MTHFD1: variants seen among roughly 807,000 people sequenced by gnomAD.
MTHFD1 encodes methylenetetrahydrofolate dehydrogenase, cyclohydrolase and formyltetrahydrofolate synthetase 1, also known as C-1-tetrahydrofolate synthase, cytoplasmic.
A neutral mutation model predicts 110.3 loss-of-function variants in MTHFD1; 44 were observed. That is an observed-to-expected ratio of 0.40 (90% CI 0.31 to 0.51). The LOEUF (loss-of-function observed/expected upper bound fraction) is 0.51. Ranked by LOEUF, MTHFD1 falls within the 20% of genes least tolerant of loss-of-function variation. MTHFD1 has a pLI of 0.60. For synonymous variants in MTHFD1, 402 were observed against 428.8 expected (o/e 0.94, Z 0.77); for missense variants, 909 against 1,173.1 (o/e 0.77, Z 3.29).
rs1165565139 is a variant in MTHFD1 at position 64,442,341 on chromosome 14, C to T, written c.2075C>T (p.Pro692Leu). Residue 692 changes from proline (P) to leucine (L), a missense_variant, in exon 21 of 28, where the codon CCC (proline) becomes CTC (leucine). Pro to Leu is a moderately conservative substitution (Grantham distance 98). Coordinates refer to ENST00000652337, the MANE Select transcript of MTHFD1 (RefSeq NM_005956.4). ...NIKCRYSGLC[P>L]HVVVLVATVR... Reference sequence around the variant, plus strand: ...AAATGCCGGTATTCCGGCCTCTGCCCCCACGTGGTGGTGCTTGTTGCCACT... The same window carrying T: ...AAATGCCGGTATTCCGGCCTCTGCCTCCACGTGGTGGTGCTTGTTGCCACT... 1 of 1,614,194 alleles carries T rather than the reference C, an allele frequency of 6.2e-7. No individual in the cohort carries two copies. Among genetic ancestry groups the T allele is most frequent in the Admixed American group, 1.7e-5 (1 of 60,016 alleles).
chr14:64,442,269 A>T lies in MTHFD1; in HGVS notation c.2003A>T (p.Glu668Val), dbSNP rs751458800. Residue 668 changes from glutamate to valine, a missense_variant, in exon 21 of 28, where the codon GAA becomes GTA. This residue lies in a region of MTHFD1 where 482 missense variants were observed against 646.0 expected (regional missense o/e 0.75). Transcript: ENST00000652337. ...LVGPEGFVVT[E>V]AGFGADIGME... ...GTTGCTTTCCTCTTTACAGTGACGG[A>T]AGCAGGATTTGGAGCAGACATTGGA... is the stretch of plus-strand genomic sequence containing the variant. 6.2e-7 allele frequency: 1 copy of T among 1,614,258 alleles called. No individual in the cohort carries two copies. The highest frequency in any genetic ancestry group is 8.5e-7 in the Non-Finnish European group (1 of 1,180,048).
intron 12 of MTHFD1, among the ~76,000 whole-genome samples, chr14:64,428,058 C>G (rs2078130952): frequency 6.6e-6 from 1 of 151,184 alleles, no homozygotes; most frequent in Non-Finnish European, 1.5e-5. Context: ...ACCATACTCG[C>G]ACTTTACCTT....
At chr14:64,398,673 G>A (rs761282759) in intron 1 of MTHFD1, among the ~76,000 whole-genome samples, 3 of 152,204 alleles carry the variant, frequency 2.0e-5, no homozygotes, top group Non-Finnish European at 2.9e-5. Flanking sequence ...TATTTCTTGT[G>A]TGCCTGTTTA....
intron 11 of MTHFD1, among the ~76,000 whole-genome samples, chr14:64,426,995 CTAAGACTTTTGAAAAAGA>C (rs1663827957): frequency 2.0e-5 from 3 of 152,122 alleles, no homozygotes; most frequent in Admixed American, 6.5e-5. Context: ...GAAATTACAA[CTAAGACTTTTGAAAAAGA>C]TATCTTTCAG....
In MTHFD1 at chr14:64,435,467, C is replaced by G. The variant is rs1412613686; in HGVS notation, c.1495-102C>G. Reference sequence around the variant, plus strand: ...CTGAATTTAAGATGGTTTGCATTTCCTAGAGGGGATCCCATTTAGAGGTAG... The same window carrying G: ...CTGAATTTAAGATGGTTTGCATTTCGTAGAGGGGATCCCATTTAGAGGTAG... On this transcript the variant is annotated intron_variant, in intron 15 of 27. Transcript: ENST00000652337. 3 of 775,372 alleles carry G rather than the reference C, an allele frequency of 3.9e-6. No individual in the cohort carries two copies. The African/African-American group carries it at 5.1e-5, about 13-fold the overall frequency. 48.0% of individuals were successfully genotyped at this position (775,372 alleles called of 1,614,324 possible).
intron 24 of MTHFD1, among the ~76,000 whole-genome samples, chr14:64,451,800 C>T (rs1255124078): frequency 7.2e-5 from 11 of 152,226 alleles, no homozygotes; most frequent in Non-Finnish European, 1.6e-4. Context: ...AGTGCTTTTG[C>T]TTCAGAAGTT....
intron 4 of MTHFD1, among the ~76,000 whole-genome samples, chr14:64,413,967 C>CT (rs1315052609): frequency 6.6e-6 from 1 of 152,170 alleles, no homozygotes; most frequent in African/African-American, 2.4e-5. Flanking sequence ...GCAGCTGGGA[C>CT]TATAGGCATG....
intron 26 of MTHFD1, 133 bp from the exon 27 acceptor site, chr14:64,458,081 G>T: frequency 1.3e-6 from 1 of 767,134 alleles, no homozygotes; most frequent in South Asian, 1.4e-5. Context: ...GTAGAGATGG[G>T]GGTCTCACTA....
intron 7 of MTHFD1, among the ~76,000 whole-genome samples, chr14:64,418,430 T>C (rs2078042336): frequency 8.0e-6 from 1 of 124,960 alleles, no homozygotes; most frequent in African/African-American, 3.1e-5. Flanking sequence ...CAGCCTGGGC[T>C]ACAGAGCAAG....
intron 1 of MTHFD1, among the ~76,000 whole-genome samples, chr14:64,393,531 G>A (rs1040583135): frequency 6.6e-6 from 1 of 152,218 alleles, no homozygotes; most frequent in Non-Finnish European, 1.5e-5. Context: ...AGAGGTCGGA[G>A]TTCCAGAGAG....
intron 21 of MTHFD1, among the ~76,000 whole-genome samples, chr14:64,442,780 A>G (rs1408440472): frequency 6.6e-6 from 1 of 152,162 alleles, no homozygotes; most frequent in East Asian, 1.9e-4. Flanking sequence ...CAGTTAGCTG[A>G]GACAGAGGTC....
intron 26 of MTHFD1, among the ~76,000 whole-genome samples, chr14:64,456,089 C>T (rs566180294): frequency 2.7e-4 from 41 of 152,284 alleles, no homozygotes; most frequent in Middle Eastern, 3.4e-3. Context: ...TAGCTGTACT[C>T]TTTCTTGTCA....
Position 64,419,801 on chromosome 14 carries a change from C to T in MTHFD1, c.616-13C>T. The T allele has an allele frequency of 2.5e-6, 4 of 1,569,900 alleles. No homozygotes were observed. The highest frequency in any genetic ancestry group is 3.5e-6 in the Non-Finnish European group (4 of 1,139,778). Reference sequence around the variant, plus strand: ...ATTATTTCATTTCTGATGTCCAAATCCCCTACCCCTAGGTAAATAAAGGTG... The same window carrying T: ...ATTATTTCATTTCTGATGTCCAAATTCCCTACCCCTAGGTAAATAAAGGTG... On this transcript the variant is annotated splice_polypyrimidine_tract_variant and intron_variant, in intron 7 of 27. Transcript: ENST00000652337.
chr14:64,432,524 A>G (rs1241954753), intron 15 of MTHFD1, among the ~76,000 whole-genome samples: 1 of 152,246 alleles, frequency 6.6e-6, no homozygotes, highest in Admixed American at 6.5e-5. Flanking sequence ...CATCCATCCA[A>G]TAAAAATAAA....
intron 1 of MTHFD1, 113 bp from the exon 2 acceptor site, chr14:64,400,680 C>A (rs2077888855): frequency 2.6e-6 from 2 of 756,902 alleles, no homozygotes; most frequent in Non-Finnish European, 4.6e-6. Context: ...CAGAGCGAGA[C>A]CCTGTGTTAA....
intron 21 of MTHFD1, among the ~76,000 whole-genome samples, chr14:64,444,389 G>C (rs931336663): frequency 1.3e-4 from 20 of 151,932 alleles, no homozygotes; most frequent in African/African-American, 4.8e-4. Context: ...CCACTGCTAT[G>C]GCCTTCACTC....
intron 16 of MTHFD1, among the ~76,000 whole-genome samples, chr14:64,437,614 T>G (rs1350147843): frequency 6.6e-6 from 1 of 152,190 alleles, no homozygotes; most frequent in East Asian, 1.9e-4. Flanking sequence ...ACTGCCCCAC[T>G]TCAGACACGA....
At position 64,444,677 on chromosome 14, in the gene MTHFD1, T is replaced by C. The variant is rs965343345; in HGVS notation, c.2137-16T>C. The C allele has an allele frequency of 4.3e-6, 7 of 1,613,868 alleles. No homozygotes were observed. Among genetic ancestry groups the C allele is most frequent in the Non-Finnish European group, 5.1e-6 (6 of 1,179,972 alleles). On this transcript the variant is annotated splice_polypyrimidine_tract_variant and intron_variant, in intron 21 of 27. Coordinates refer to ENST00000652337, the MANE Select transcript of MTHFD1 (RefSeq NM_005956.4). ...TAAATAGGAAATGCCTCTGACTCTG[T>C]TTCTTTTCCTTCCAGGTCACTGCTG... is the stretch of plus-strand genomic sequence containing the variant.
At chr14:64,445,367 A>G (rs562213341) in intron 22 of MTHFD1, among the ~76,000 whole-genome samples, 41 of 152,276 alleles carry the variant, frequency 2.7e-4, no homozygotes, top group Admixed American at 2.4e-3. Flanking sequence ...CTTCCTGGAT[A>G]TTTATAGCAT....
Sources: gnomAD v4.1 joint callset for allele counts (sites outside exome capture counted in the v4.1 genomes callset) on GRCh38, gnomAD v4.1.1 for gene constraint, gnomAD v4.1.1 regional missense constraint, MANE v1.5 for transcripts, NCBI Gene and HGNC (gene_info 2026-07-23, HGNC 2026-07-21) for gene names.